Variants in CYBA observed in about 807,000 individuals in gnomAD.
CYBA encodes cytochrome b-245 light chain.
CYBA carries 21 observed loss-of-function variants against 20.8 expected under a neutral mutation model. The ratio of observed to expected loss-of-function variants is 1.01; its 90% CI spans 0.72 to 1.46. The LOEUF is 1.46. Ranked by LOEUF, CYBA falls within the 40% of genes most tolerant of loss-of-function variation. CYBA has a pLI of 0.00. For missense variants in CYBA, 344 were observed against 287.0 expected (o/e 1.20, Z -1.43); for synonymous variants, 164 against 127.5 (o/e 1.29, Z -1.93).
chr16:88,648,318 G>A (rs917339154), intron 1 of CYBA, among the ~76,000 whole-genome samples: 2 of 152,210 alleles, frequency 1.3e-5, no homozygotes, highest in African/African-American at 4.8e-5. Flanking sequence ...CGGGCTGGCG[G>A]AGGGGGTGCT....
chr16:88,646,917 C>G, intron 3 of CYBA, 79 bp from the exon 4 acceptor site: 1 of 1,296,372 alleles, frequency 7.7e-7, no homozygotes, highest in East Asian at 2.3e-5. Flanking sequence ...CTGACCACCC[C>G]AGGGCACCCA....
chr16:88,646,253 G>A lies in CYBA; in HGVS notation c.288-56C>T, dbSNP rs1305312009. The A allele has an allele frequency of 1.7e-5, 17 of 972,462 alleles. No homozygotes were observed. The Middle Eastern group carries it at 2.2e-3, about 128-fold the overall frequency. The allele number at this position is 972,462 out of a possible 1,614,324, so 60.2% of individuals were successfully genotyped here. ...CAGAAGGGCACTCAGAAAGGGGAAC[G>A]GAGCCCCAGGTCTGGGGGCCAAGGC... On this transcript the variant is annotated intron_variant, in intron 4 of 5. Coordinates refer to ENST00000261623, the MANE Select transcript of CYBA (RefSeq NM_000101.4).
rs1247886457 is a variant in CYBA, at chr16:88,643,462, G to C, written c.479C>G (p.Pro160Arg). 6.5e-7 allele frequency: 1 copy of C among 1,531,768 alleles called. No individual in the cohort carries two copies. Among genetic ancestry groups the C allele is most frequent in the African/African-American group, 1.4e-5 (1 of 72,232 alleles). 94.9% of individuals were successfully genotyped at this position (1,531,768 alleles called of 1,614,324 possible). Residue 160 changes from proline (P) to arginine (R), a missense_variant, in exon 6 of 6, where the codon CCG (proline) becomes CGG (arginine). Coordinates refer to ENST00000261623, the MANE Select transcript of CYBA (RefSeq NM_000101.4). The surrounding 1 kb of genome is among the most constrained non-coding windows in gnomAD (Gnocchi z 4.3). ...GCTGGGCTTCTTGCGGGCCTCGGCC[G>C]GGGGCCGCGGCGGGGGGTTGCTGGG... The part of the protein sequence containing the change: ...QPPSNPPPRP[P>R]AEARKKPSEE...
rs755948366 is a variant in CYBA, at chr16:88,646,745, G to C, written c.287+10C>G. The C allele has an allele frequency of 3.1e-6, 5 of 1,611,356 alleles. No individual in the cohort carries two copies. The highest frequency in any genetic ancestry group is 4.2e-6 in the Non-Finnish European group (5 of 1,177,872). On this transcript the variant is annotated intron_variant, in intron 4 of 5. Transcript: ENST00000261623. ...CTGAGCCCTAGAGGGGGTGCGGGAC[G>C]GGGACTCACAGGAGATGCAGGACGG...
chr16:88,646,092 C>G (rs754617535), intron 5 of CYBA, 24 bp downstream of exon 5: 1 of 1,541,158 alleles, frequency 6.5e-7, no homozygotes, highest in Non-Finnish European at 8.7e-7. Flanking sequence ...GTGGCCGGGG[C>G]CGACCTCAGA....
intron 4 of CYBA, 40 bp downstream of exon 4, chr16:88,646,715 C>A (rs768128152): frequency 6.4e-7 from 1 of 1,568,476 alleles, no homozygotes; most frequent in Non-Finnish European, 8.8e-7. Flanking sequence ...CGGCTCCAAG[C>A]CCTCCTGAGC....
chr16:88,647,289 C>G lies in CYBA; in HGVS notation c.129-114G>C, dbSNP rs187873634. ...GAGCACGGTGGCTCATGCCTGGAAT[C>G]CCAGCATTTTGGGAGGCTGAGGCGG... On this transcript the variant is annotated intron_variant, in intron 2 of 5. Coordinates refer to ENST00000261623, the MANE Select transcript of CYBA (RefSeq NM_000101.4). 142 of 1,039,500 alleles carry G rather than the reference C, an allele frequency of 1.4e-4. No homozygotes were observed. In the African/African-American group the frequency reaches 1.9e-3, roughly 14 times the overall value. The allele number at this position is 1,039,500 out of a possible 1,614,324, so 64.4% of individuals were successfully genotyped here. A position where few individuals can be genotyped will look rare whatever the true frequency, so the allele number is the denominator to read the frequency against.
rs779612331 is a variant in CYBA at position 88,643,480 on chromosome 16, T to C, written c.461A>G (p.Asn154Ser). 2 of 1,531,628 alleles carry C rather than the reference T, an allele frequency of 1.3e-6. No individual in the cohort carries two copies. Among genetic ancestry groups the C allele is most frequent in the Non-Finnish European group, 1.7e-6 (2 of 1,144,536 alleles). 94.9% of individuals were successfully genotyped at this position (1,531,628 alleles called of 1,614,324 possible). A position where few individuals can be genotyped will look rare whatever the true frequency, so the allele number is the denominator to read the frequency against. ...CTCGGCCGGGGGCCGCGGCGGGGGG[T>C]TGCTGGGCGGCTGCTTGATGGTGCC... ...IGGTIKQPPS[N>S]PPPRPPAEAR... is the part of the protein sequence containing the mutation. The change falls in exon 6 of 6, where the codon AAC (asparagine) becomes AGC (serine). Residue 154 changes from asparagine to serine, a missense_variant. Coordinates refer to ENST00000261623, the MANE Select transcript of CYBA (RefSeq NM_000101.4). The surrounding 1 kb of genome is among the most constrained non-coding windows in gnomAD (Gnocchi z 4.3).
At position 88,650,948 on chromosome 16, in the gene CYBA, GCACT is replaced by G. The variant is rs771926427; in HGVS notation, c.58+4_58+7del. 4.4e-6 allele frequency: 7 copies of G among 1,589,092 alleles called. No individual in the cohort carries two copies. Among genetic ancestry groups the G allele is most frequent in the Admixed American group, 1.7e-5 (1 of 57,220 alleles). Reference sequence around the variant, plus strand: ...CTGCAGCCTCCACCGTCCCTGACGTGCACTCACTCAGGCCGGACGCCAGCGCCTG... The same window carrying G: ...CTGCAGCCTCCACCGTCCCTGACGTGCACTCAGGCCGGACGCCAGCGCCTG... On this transcript the variant is annotated splice_donor_5th_base_variant and intron_variant, in intron 1 of 5. Transcript: ENST00000261623.
intron 5 of CYBA, chr16:88,645,750 C>T: frequency 1.9e-6 from 1 of 532,396 alleles, no homozygotes; most frequent in Non-Finnish European, 3.4e-6. Context: ...GTGAGAAAAG[C>T]CTGATAATGG....
At chr16:88,647,016 T>A in intron 3 of CYBA, 85 bp downstream of exon 3, 1 of 1,363,722 alleles carries the variant, frequency 7.3e-7, no homozygotes, top group Non-Finnish European at 1.0e-6. Context: ...AGCCTCCAAG[T>A]GAGAAACCAA....
In CYBA at chr16:88,646,822, T is replaced by G. The variant is rs2142875466; in HGVS notation, c.220A>C (p.Thr74Pro). 1.9e-6 allele frequency: 3 copies of G among 1,613,718 alleles called. No homozygotes were observed. Among genetic ancestry groups the G allele is most frequent in the African/African-American group, 2.7e-5 (2 of 74,946 alleles). ...GGCCCGAACAGCTTCACCACGGCGG[T>G]CATGTACTTCTGTCCCCTGGGGGAG... ...TMERWGQKYM[T>P]AVVKLFGPFT... Residue 74 changes from threonine to proline, a missense_variant, in exon 4 of 6, where the codon ACC becomes CCC. Coordinates refer to ENST00000261623, the MANE Select transcript of CYBA (RefSeq NM_000101.4).
chr16:88,650,467 C>G, intron 1 of CYBA: 1 of 461,346 alleles, frequency 2.2e-6, no homozygotes. Flanking sequence ...CCGCCTCCAG[C>G]GCAGACTCCA....
Position 88,645,668 on chromosome 16 carries a change from C to T in CYBA, c.369+448G>A, listed in dbSNP as rs575593546. On this transcript the variant is annotated intron_variant, in intron 5 of 5. Coordinates refer to ENST00000261623, the MANE Select transcript of CYBA (RefSeq NM_000101.4). ...CAGGGTGCAGCAGTCATAAACCAAACGCAGGTGTCGGCAGTTTAAGAAAAT... is the reference window on the plus strand; with the variant it reads ...CAGGGTGCAGCAGTCATAAACCAAATGCAGGTGTCGGCAGTTTAAGAAAAT... 32 of 574,774 alleles carry T rather than the reference C, an allele frequency of 5.6e-5. 1 individual carries two copies. The highest frequency in any genetic ancestry group is 5.2e-4 in the East Asian group (18 of 34,736). 35.6% of individuals were successfully genotyped at this position (574,774 alleles called of 1,614,324 possible).
Position 88,646,212 on chromosome 16 carries a change from G to C in CYBA, c.288-15C>G, listed in dbSNP as rs1567608853. 1 of 1,546,084 alleles carries C rather than the reference G, an allele frequency of 6.5e-7. No individual in the cohort carries two copies. Among genetic ancestry groups the C allele is most frequent in the Non-Finnish European group, 8.7e-7 (1 of 1,148,832 alleles). Reference sequence around the variant, plus strand: ...GCACCGAGAGCCTGGGGGACAGCGGGTGAGAGGCAGGGACACAGAAGGGCA... The same window carrying C: ...GCACCGAGAGCCTGGGGGACAGCGGCTGAGAGGCAGGGACACAGAAGGGCA... On this transcript the variant is annotated splice_polypyrimidine_tract_variant and intron_variant, in intron 4 of 5. Coordinates refer to ENST00000261623, the MANE Select transcript of CYBA (RefSeq NM_000101.4).
At chr16:88,645,764 C>G (rs1169103530) in intron 5 of CYBA, 1 of 533,622 alleles carries the variant, frequency 1.9e-6, no homozygotes. Flanking sequence ...ATAATGGGAC[C>G]CAAGCGCAGG....
At chr16:88,647,261 C>T (rs1300373563) in intron 2 of CYBA, 86 bp from the exon 3 acceptor site, 3 of 1,330,412 alleles carry the variant, frequency 2.3e-6, no homozygotes, top group South Asian at 1.2e-5. Flanking sequence ...CAGAGAGGGG[C>T]CCGAGCACGG....
In CYBA at chr16:88,647,111, TG is replaced by T. The variant is rs760058292; in HGVS notation, c.192del (p.Met65TrpfsTer9). The T allele has an allele frequency of 6.2e-7, 1 of 1,610,894 alleles. No individual in the cohort carries two copies. Among genetic ancestry groups the T allele is most frequent in the Non-Finnish European group, 8.5e-7 (1 of 1,179,418 alleles). On this transcript the variant is annotated frameshift_variant, in exon 3 of 6. Coordinates refer to ENST00000261623, the MANE Select transcript of CYBA (RefSeq NM_000101.4). LOFTEE classifies it high-confidence loss of function. ...CAGGAGGAGACTCACCAGCGCTCCA[TG>T]GTGGAGCCCTTCTTCCTCTTCCCCC... ...YPRGKRKKGS[T>X]MERWGQKYMT...
At chr16:88,645,191 C>CG (rs947511336) in intron 5 of CYBA, 51 of 702,248 alleles carry the variant, frequency 7.3e-5, no homozygotes, top group African/African-American at 3.1e-4. Context: ...AGCAGGGAGA[C>CG]GGGGGGGATG....
Sources: allele counts gnomAD v4.1 joint callset (sites outside exome capture counted in the v4.1 genomes callset), GRCh38; gene constraint gnomAD v4.1.1; non-coding constraint Gnocchi (gnomAD v3.1); transcripts MANE v1.5; gene names NCBI Gene and HGNC (gene_info 2026-07-23, HGNC 2026-07-21).